HYDIN: variants seen among roughly 807,000 people sequenced by gnomAD.
HYDIN encodes the protein axonemal central pair apparatus protein HYDIN.
In HYDIN, 132 loss-of-function variants were observed where a neutral mutation model predicts 403.9. That is an observed-to-expected ratio of 0.33 (90% CI 0.28 to 0.38). The LOEUF (loss-of-function observed/expected upper bound fraction) is 0.38, where lower values mean the gene tolerates loss of function less well. HYDIN is among the 10% of genes least tolerant of loss of function. The pLI is 1.00. For synonymous variants in HYDIN, 1,202 were observed against 1,891.7 expected (o/e 0.64, Z 9.46); for missense variants, 2,827 against 5,009.5 (o/e 0.56, Z 13.15).
chr16:70,865,323 C>T (rs1457308835), intron 67 of HYDIN: 1 of 410,698 alleles, frequency 2.4e-6, no homozygotes, highest in Admixed American at 2.7e-5. Flanking sequence ...CTCTCTTGAT[C>T]TGCTTTAAAT....
chr16:71,089,822 G>A (rs1311201394), intron 11 of HYDIN, among the ~76,000 whole-genome samples: 1 of 150,774 alleles, frequency 6.6e-6, no homozygotes, highest in African/African-American at 2.4e-5. Flanking sequence ...CTGTGGGGAG[G>A]TACTGTGGAG....
intron 36 of HYDIN, among the ~76,000 whole-genome samples, chr16:70,968,968 T>A (rs1484205397): frequency 6.6e-6 from 1 of 151,390 alleles, no homozygotes; most frequent in African/African-American, 2.4e-5. Context: ...AAGAACCAAA[T>A]GAAAATTTTA....
intron 37 of HYDIN, among the ~76,000 whole-genome samples, chr16:70,962,613 T>A (rs1201961622): frequency 1.3e-5 from 2 of 151,534 alleles, no homozygotes; most frequent in Non-Finnish European, 2.9e-5. Flanking sequence ...GACCATTTCC[T>A]GTGTCATTGT....
chr16:70,806,195 T>C lies in HYDIN; in HGVS notation c.*1385A>G, dbSNP rs2035098186. ...TGTTAATGTCTTACTGTGCCTAATTTATAAATTAATCAAAGGTATGTATGT... is the reference window on the plus strand; with the variant it reads ...TGTTAATGTCTTACTGTGCCTAATTCATAAATTAATCAAAGGTATGTATGT... On this transcript the variant is annotated 3_prime_UTR_variant, in exon 86 of 86. Coordinates refer to ENST00000393567, the MANE Select transcript of HYDIN (RefSeq NM_001270974.2). 2.0e-5 allele frequency among the ~76,000 whole-genome samples: 3 copies of C among 152,216 alleles called. No individual in the cohort carries two copies. The highest frequency in any genetic ancestry group is 2.0e-4 in the Admixed American group (3 of 15,284).
In HYDIN at chr16:70,833,927, G is replaced by A. The variant is rs2037188021; in HGVS notation, c.13639C>T (p.Arg4547Cys). 16 of 1,613,702 alleles carry A rather than the reference G, an allele frequency of 9.9e-6. No individual in the cohort carries two copies. Among genetic ancestry groups the A allele is most frequent in the East Asian group, 2.2e-5 (1 of 44,852 alleles). ...GPVVYQTQAT[R>C]RILMMNTGDV... is the part of the protein sequence containing the mutation. ...CCTGTGTTCATCATGAGGATGCGAC[G>A]TGTGGCTTGCGTCTGATACACCACG... Residue 4547 changes from arginine to cysteine, a missense_variant, in exon 79 of 86, where the codon CGT (arginine) becomes TGT (cysteine). Arg to Cys is a radical substitution (Grantham distance 180). Transcript: ENST00000393567.
chr16:71,204,687 G>A (rs2088199657), intron 1 of HYDIN, among the ~76,000 whole-genome samples: 1 of 146,234 alleles, frequency 6.8e-6, no homozygotes, highest in Admixed American at 6.8e-5. Context: ...CATATAACAG[G>A]GCCATTTTTC....
At chr16:71,185,349 A>G (rs2087095148) in intron 2 of HYDIN, among the ~76,000 whole-genome samples, 2 of 152,212 alleles carry the variant, frequency 1.3e-5, no homozygotes, top group African/African-American at 4.8e-5. Context: ...CTCAGTTTGT[A>G]AAGTCACTCA....
At chr16:70,863,643 A>G (rs1170205696) in intron 67 of HYDIN, among the ~76,000 whole-genome samples, 5 of 152,054 alleles carry the variant, frequency 3.3e-5, no homozygotes, top group Non-Finnish European at 7.4e-5. Context: ...TGGGAGGCCA[A>G]GGCAGGCAGC....
Position 70,942,862 on chromosome 16 carries a change from T to C in HYDIN, c.6669+950A>G, listed in dbSNP as rs564677111. Among the ~76,000 whole-genome samples the C allele has an allele frequency of 2.0e-5, 3 of 152,356 alleles. 1 individual carries two copies. Among genetic ancestry groups the C allele is most frequent in the East Asian group, 3.9e-4 (2 of 5,190 alleles). ...AGCTCCACTGGCTTACTTTGGGGCC[T>C]TACCAGTGTTTCTCAGCCTTTACTC... On this transcript the variant is annotated intron_variant, in intron 42 of 85. Coordinates refer to ENST00000393567, the MANE Select transcript of HYDIN (RefSeq NM_001270974.2).
chr16:71,178,720 G>C (rs1477647641), intron 4 of HYDIN, among the ~76,000 whole-genome samples: 1 of 152,086 alleles, frequency 6.6e-6, no homozygotes, highest in Non-Finnish European at 1.5e-5. Context: ...TTCACTACGT[G>C]TTAGGCACTG....
chr16:71,031,336 G>A (rs2080902221), intron 19 of HYDIN: 1 of 448,198 alleles, frequency 2.2e-6, no homozygotes, highest in Admixed American at 5.1e-5. Context: ...CTACATTTGT[G>A]GAGAGGGATT....
Position 70,977,622 on chromosome 16 carries a change from T to C in HYDIN, c.4638+1292A>G, listed in dbSNP as rs995726156. Among the ~76,000 whole-genome samples, 56 of 138,222 alleles carry C rather than the reference T, an allele frequency of 4.1e-4. 1 individual carries two copies. Among genetic ancestry groups the C allele is most frequent in the Admixed American group, 3.9e-4 (5 of 12,894 alleles). The allele number at this position is 138,222 out of a possible 152,430, so 90.7% of individuals were successfully genotyped here. ...TATATGATTCTTCCTTAGAACAATATTCGCATGCACATTTGCATTTGGAAA... is the reference window on the plus strand; with the variant it reads ...TATATGATTCTTCCTTAGAACAATACTCGCATGCACATTTGCATTTGGAAA... On this transcript the variant is annotated intron_variant, in intron 30 of 85. Coordinates refer to ENST00000393567, the MANE Select transcript of HYDIN (RefSeq NM_001270974.2).
chr16:71,217,290 G>A (rs916904476), intron 1 of HYDIN, among the ~76,000 whole-genome samples: 1 of 152,020 alleles, frequency 6.6e-6, no homozygotes, highest in Admixed American at 6.6e-5. Context: ...CCAAGTTGTC[G>A]TTCAGACAAG....
chr16:71,169,414 C>A lies in HYDIN; in HGVS notation c.516+6193G>T, dbSNP rs1008657811. ...CCCCACAGCACTCCAGCCTGGGCAA[C>A]AGAGTGAGACTCTGTTAAAAAGAAA... On this transcript the variant is annotated intron_variant, in intron 5 of 85. Coordinates refer to ENST00000393567, the MANE Select transcript of HYDIN (RefSeq NM_001270974.2). 2.6e-5 allele frequency among the ~76,000 whole-genome samples: 4 copies of A among 151,964 alleles called. No homozygotes were observed. The East Asian group carries it at 7.7e-4, about 29-fold the overall frequency.
At chr16:71,063,971 G>A (rs2082173226) in intron 16 of HYDIN, among the ~76,000 whole-genome samples, 3 of 132,374 alleles carry the variant, frequency 2.3e-5, no homozygotes, top group Admixed American at 2.2e-4. Flanking sequence ...ACTTGCCTTG[G>A]TTCTGTGGCC....
intron 5 of HYDIN, 106 bp downstream of exon 5, chr16:71,175,501 C>G: frequency 9.3e-7 from 1 of 1,071,906 alleles, no homozygotes; most frequent in Non-Finnish European, 1.4e-6. Flanking sequence ...TCAATACCAC[C>G]ACCACCACCA....
intron 84 of HYDIN, among the ~76,000 whole-genome samples, chr16:70,817,882 C>T: frequency 6.6e-6 from 1 of 152,084 alleles, no homozygotes; most frequent in East Asian, 1.9e-4. Flanking sequence ...GCTGGGATTA[C>T]AGGCGCCCAC....
At chr16:71,130,624 A>G (rs1045203319) in intron 8 of HYDIN, among the ~76,000 whole-genome samples, 14 of 151,340 alleles carry the variant, frequency 9.3e-5, no homozygotes, top group Non-Finnish European at 1.8e-4. Context: ...AGTAGCTGGG[A>G]CTACAGGCGC....
intron 62 of HYDIN, among the ~76,000 whole-genome samples, chr16:70,878,860 T>C (rs1279489270): frequency 1.4e-5 from 2 of 141,234 alleles, no homozygotes; most frequent in African/African-American, 3.2e-5. Context: ...TAGAGCACAA[T>C]ACATCACATT....
Sources: gnomAD v4.1 joint callset for allele counts (sites outside exome capture counted in the v4.1 genomes callset) on GRCh38, gnomAD v4.1.1 for gene constraint, MANE v1.5 for transcripts, NCBI Gene and HGNC (gene_info 2026-07-23, HGNC 2026-07-21) for gene names.